The following ASTN2 variants were observed in gnomAD, a reference collection of about 807,000 sequenced individuals.
The protein encoded by ASTN2 is astrotactin 2, also known as astrotactin-2.
In ASTN2, 54 loss-of-function variants were observed where a neutral mutation model predicts 139.8. The observed-to-expected ratio is 0.39, with a 90% CI of 0.31 to 0.48. The LOEUF (loss-of-function observed/expected upper bound fraction) is 0.48. Ranked by LOEUF, ASTN2 falls within the 20% of genes least tolerant of loss-of-function variation. ASTN2 has a pLI of 0.95. For synonymous variants in ASTN2, 756 were observed against 719.5 expected (o/e 1.05, Z -0.81); for missense variants, 1,565 against 1,725.1 (o/e 0.91, Z 1.64).
At chr9:116,988,684 C>T (rs1017235538) in intron 7 of ASTN2, among the ~76,000 whole-genome samples, 3 of 152,146 alleles carry the variant, frequency 2.0e-5, no homozygotes, top group African/African-American at 7.2e-5. Flanking sequence ...CCCCTCACCT[C>T]AACTGTACCA....
intron 10 of ASTN2, among the ~76,000 whole-genome samples, chr9:116,895,275 T>C (rs185079993): frequency 6.6e-6 from 1 of 152,332 alleles, no homozygotes; most frequent in Non-Finnish European, 1.5e-5. Context: ...ATGAAACATA[T>C]GAATTTCATG....
At chr9:117,235,070 C>T (rs1229983762) in intron 2 of ASTN2, among the ~76,000 whole-genome samples, 2 of 151,820 alleles carry the variant, frequency 1.3e-5, no homozygotes, top group Non-Finnish European at 2.9e-5. Context: ...CCTGACTCTA[C>T]CAGAAATAAA....
intron 19 of ASTN2, among the ~76,000 whole-genome samples, chr9:116,608,610 G>T (rs61043050): frequency 0.15 from 22,380 of 150,328 alleles, 1,832 homozygotes; most frequent in Middle Eastern, 0.19. Flanking sequence ...GAACAAAAGA[G>T]TTTGAACAAA....
intron 6 of ASTN2, among the ~76,000 whole-genome samples, chr9:117,018,954 C>G (rs1307285499): frequency 6.6e-6 from 1 of 152,102 alleles, no homozygotes; most frequent in Non-Finnish European, 1.5e-5. Context: ...ACTGATGATT[C>G]AAAATTAGAA....
At chr9:116,584,872 G>A (rs537870485) in intron 19 of ASTN2, 1 of 152,328 alleles carries the variant, frequency 6.6e-6, no homozygotes, top group South Asian at 2.1e-4. Context: ...ATGTTAAAGA[G>A]AAAGCAAGAC....
At chr9:116,702,125 G>T (rs1292081979) in intron 16 of ASTN2, among the ~76,000 whole-genome samples, 1 of 152,040 alleles carries the variant, frequency 6.6e-6, no homozygotes, top group East Asian at 1.9e-4. Context: ...TTACCTTATA[G>T]TTCTGTCTTA....
chr9:117,109,278 T>C (rs1387168509), intron 4 of ASTN2, among the ~76,000 whole-genome samples: 2 of 149,286 alleles, frequency 1.3e-5, no homozygotes, highest in Admixed American at 6.6e-5. Context: ...GGAGACTCTG[T>C]CTCAAAAAAT....
At chr9:117,203,990 C>T (rs1231867456) in intron 3 of ASTN2, among the ~76,000 whole-genome samples, 5 of 152,210 alleles carry the variant, frequency 3.3e-5, no homozygotes, top group African/African-American at 1.2e-4. Context: ...GAGAATGTGG[C>T]CACCACACTC....
chr9:116,668,863 C>G (rs751589199), intron 16 of ASTN2, among the ~76,000 whole-genome samples: 1 of 152,092 alleles, frequency 6.6e-6, no homozygotes, highest in Non-Finnish European at 1.5e-5. Flanking sequence ...CTTAGTGTGT[C>G]GGTCAGTGAA....
At chr9:117,092,575 A>T (rs1466714919) in intron 5 of ASTN2, among the ~76,000 whole-genome samples, 1 of 152,220 alleles carries the variant, frequency 6.6e-6, no homozygotes, top group African/African-American at 2.4e-5. Context: ...TGGAAAACAC[A>T]GCTCAGCTCC....
chr9:116,892,113 A>G (rs1056700841), intron 10 of ASTN2, among the ~76,000 whole-genome samples: 1 of 152,192 alleles, frequency 6.6e-6, no homozygotes, highest in Non-Finnish European at 1.5e-5. Context: ...CTCATATCTA[A>G]TTATAGTATT....
In ASTN2 at chr9:117,186,990, G is replaced by A. The variant is rs557554899; in HGVS notation, c.1015+27368C>T. 5.3e-5 allele frequency among the ~76,000 whole-genome samples: 8 copies of A among 152,266 alleles called. 1 individual carries two copies. The South Asian group carries it at 1.0e-3, about 20-fold the overall frequency. ...CTAAAAACACAAAAATTAGCAGGGCGTGTTGGTGCACGCCTGTAATCCCAG... is the reference window on the plus strand; with the variant it reads ...CTAAAAACACAAAAATTAGCAGGGCATGTTGGTGCACGCCTGTAATCCCAG... On this transcript the variant is annotated intron_variant, in intron 3 of 22. Coordinates refer to ENST00000313400, the MANE Select transcript of ASTN2 (RefSeq NM_001365068.1).
intron 2 of ASTN2, among the ~76,000 whole-genome samples, chr9:117,279,213 T>C (rs915971435): frequency 6.6e-6 from 1 of 152,156 alleles, no homozygotes; most frequent in Non-Finnish European, 1.5e-5. Flanking sequence ...AAAAAGTCCT[T>C]ATCCATCCTT....
chr9:117,066,037 CTTTAAG>C (rs1307184281), intron 5 of ASTN2, among the ~76,000 whole-genome samples: 1 of 144,270 alleles, frequency 6.9e-6, no homozygotes, highest in African/African-American at 2.6e-5. Flanking sequence ...TTTTATTATA[CTTTAAG>C]TTTTAGGGTA....
Position 116,805,792 on chromosome 9 carries a change from C to T in ASTN2, c.2236G>A (p.Asp746Asn). The change falls in exon 13 of 23, where the codon GAT becomes AAT. Residue 746 changes from aspartate (D) to asparagine (N), a missense_variant. Coordinates refer to ENST00000313400, the MANE Select transcript of ASTN2 (RefSeq NM_001365068.1). ...GAGAGCATTAAGCAGGATTTTCCAT[C>T]AGGAGCCAGTTTGTACTCCTCCACG... is the stretch of plus-strand genomic sequence containing the variant. The part of the protein sequence containing the change: ...GCVEEYKLAP[D>N]GKSCLMLSDV... The T allele has an allele frequency of 6.2e-7, 1 of 1,613,828 alleles. No individual in the cohort carries two copies. Among genetic ancestry groups the T allele is most frequent in the Non-Finnish European group, 8.5e-7 (1 of 1,179,802 alleles).
At chr9:116,634,773 T>A (rs1039995603) in intron 17 of ASTN2, among the ~76,000 whole-genome samples, 5 of 152,208 alleles carry the variant, frequency 3.3e-5, no homozygotes, top group Admixed American at 6.5e-5. Context: ...AGAGATACTA[T>A]CTTTGCCTTT....
At chr9:116,844,267 A>G (rs1301592072) in intron 11 of ASTN2, among the ~76,000 whole-genome samples, 1 of 152,078 alleles carries the variant, frequency 6.6e-6, no homozygotes, top group Non-Finnish European at 1.5e-5. Flanking sequence ...TTTTTCTCCC[A>G]TGTTCATTAT....
intron 1 of ASTN2, among the ~76,000 whole-genome samples, chr9:117,317,591 G>A (rs1220646118): frequency 1.3e-5 from 2 of 152,146 alleles, no homozygotes; most frequent in East Asian, 1.9e-4. Context: ...CACATCTCCA[G>A]ATACCCGGCT....
intron 1 of ASTN2, among the ~76,000 whole-genome samples, chr9:117,303,682 C>G (rs908984010): frequency 3.9e-5 from 6 of 152,210 alleles, no homozygotes; most frequent in Admixed American, 2.0e-4. Context: ...ACCAACCTAA[C>G]TCTTAATCTT....
Sources: allele counts gnomAD v4.1 joint callset (sites outside exome capture counted in the v4.1 genomes callset), GRCh38; gene constraint gnomAD v4.1.1; transcripts MANE v1.5; gene names NCBI Gene and HGNC (gene_info 2026-07-23, HGNC 2026-07-21).